ZNF518A: variants seen among roughly 807,000 people sequenced by gnomAD.
ZNF518A encodes zinc finger protein 518A, also known as zinc finger protein 518.
A neutral mutation model predicts 102.7 loss-of-function variants in ZNF518A; 47 were observed. The observed-to-expected ratio is 0.46, with a 90% CI of 0.36 to 0.58. The LOEUF (loss-of-function observed/expected upper bound fraction) is 0.58, where lower values mean the gene tolerates loss of function less well. Ranked by LOEUF, ZNF518A falls within the 20% of genes least tolerant of loss-of-function variation. The pLI is 0.00. For missense variants in ZNF518A, 1,793 were observed against 1,699.8 expected (o/e 1.05, Z -0.96); for synonymous variants, 652 against 594.6 (o/e 1.10, Z -1.40).
chr10:96,157,141 G>C lies in ZNF518A; in HGVS notation c.819G>C (p.Arg273Ser). The change falls in exon 6 of 6, where the codon AGG (arginine) becomes AGC (serine). Residue 273 changes from arginine to serine, a missense_variant. Coordinates refer to ENST00000316045, the MANE Select transcript of ZNF518A (RefSeq NM_001330736.2). ...TCQYCSYGAT[R>S]REHLVRHVIT... The stretch of plus-strand genomic sequence containing the variant: ...AATATTGTAGCTATGGTGCCACCAG[G>C]AGAGAACACCTTGTAAGACATGTTA... The C allele has an allele frequency of 6.2e-7, 1 of 1,613,686 alleles. No individual in the cohort carries two copies. The highest frequency in any genetic ancestry group is 1.1e-5 in the South Asian group (1 of 91,072).
Position 96,184,439 on chromosome 10 carries a change from T to C in ZNF518A, n.36-19135T>C, listed in dbSNP as rs587769723. 5.3e-3 allele frequency among the ~76,000 whole-genome samples: 806 copies of C among 152,274 alleles called. 6 individuals carry two copies. Among genetic ancestry groups the C allele is most frequent in the African/African-American group, 0.019 (770 of 41,570 alleles). ...TAGCATGTTTTTGCAGTGGCTGGTA[T>C]TGGTTGTTCCTTTCCATGTTTAGTG... On this transcript the variant is annotated intron_variant and non_coding_transcript_variant, in intron 1 of 2. Coordinates refer to the ZNF518A transcript ENST00000442635.
chr10:96,157,628 G>A lies in ZNF518A; in HGVS notation c.1306G>A (p.Val436Ile), dbSNP rs1554883680. ...AATGATGAAAAATAATAAACTAGCA[G>A]TTTCCCCTAACTATAATGCTACGTT... is the stretch of plus-strand genomic sequence containing the variant. ...NVMMKNNKLA[V>I]SPNYNATFMG... Residue 436 changes from valine (V) to isoleucine (I), a missense_variant, in exon 6 of 6, where the codon GTT (valine) becomes ATT (isoleucine). Val to Ile is a conservative substitution (Grantham distance 29, BLOSUM62 3). This residue lies in a region of ZNF518A where 1,741 missense variants were observed against 1,622.6 expected (regional missense o/e 1.07). Coordinates refer to ENST00000316045, the MANE Select transcript of ZNF518A (RefSeq NM_001330736.2). 6.2e-7 allele frequency: 1 copy of A among 1,613,830 alleles called. No individual in the cohort carries two copies. Among genetic ancestry groups the A allele is most frequent in the Non-Finnish European group, 8.5e-7 (1 of 1,179,792 alleles).
chr10:96,136,156 A>G (rs2081585365), intron 3 of ZNF518A, among the ~76,000 whole-genome samples: 1 of 151,968 alleles, frequency 6.6e-6, no homozygotes, highest in African/African-American at 2.4e-5. Flanking sequence ...TTCTACTAAG[A>G]TGGAGATTTC....
intron 3 of ZNF518A, among the ~76,000 whole-genome samples, chr10:96,144,814 CAA>C (rs1376114493): frequency 7.1e-6 from 1 of 140,436 alleles, no homozygotes. Flanking sequence ...TTACAGATAG[CAA>C]AAAAAAAAAA....
downstream of ZNF518A, among the ~76,000 whole-genome samples, chr10:96,167,770 AC>A (rs2083150893): frequency 1.3e-5 from 2 of 152,204 alleles, no homozygotes; most frequent in African/African-American, 2.4e-5. Flanking sequence ...TGGATCATAG[AC>A]CTAAATACAA....
chr10:96,159,355 A>G lies in ZNF518A; in HGVS notation c.3033A>G (p.Thr1011=). The G allele has an allele frequency of 1.2e-6, 2 of 1,613,778 alleles. No homozygotes were observed. Among genetic ancestry groups the G allele is most frequent in the Non-Finnish European group, 1.7e-6 (2 of 1,179,762 alleles). The stretch of plus-strand genomic sequence containing the variant: ...CTGTGACTAAGGAGCCTTGCAAAAC[A>G]CCTATTTTGAAGGTAGAACCAAACA... ...RGTVTKEPCK[T]PILKVEPNNN... Residue 1011 remains threonine, a synonymous_variant, in exon 6 of 6, where the codon ACA becomes ACG. Coordinates refer to ENST00000316045, the MANE Select transcript of ZNF518A (RefSeq NM_001330736.2).
intron 1 of ZNF518A, among the ~76,000 whole-genome samples, chr10:96,199,244 GGGA>G (rs782475404): frequency 7.2e-5 from 11 of 152,186 alleles, no homozygotes; most frequent in Non-Finnish European, 1.5e-4. Context: ...AAAAGAAAAT[GGGA>G]GGAGAAGAGA....
chr10:96,166,191 T>C (rs1454483076), downstream of ZNF518A, among the ~76,000 whole-genome samples: 1 of 152,186 alleles, frequency 6.6e-6, no homozygotes, highest in African/African-American at 2.4e-5. Flanking sequence ...CCTAGCTGTT[T>C]GGATTGTGCG....
intron 3 of ZNF518A, among the ~76,000 whole-genome samples, chr10:96,145,658 T>A (rs782456032): frequency 1.1e-4 from 17 of 152,248 alleles, no homozygotes; most frequent in Non-Finnish European, 2.4e-4. Flanking sequence ...AATTGAATGA[T>A]ACCTGTATTG....
chr10:96,177,854 C>A (rs1377555766), intron 1 of ZNF518A, among the ~76,000 whole-genome samples: 1 of 151,774 alleles, frequency 6.6e-6, no homozygotes, highest in African/African-American at 2.4e-5. Flanking sequence ...AAATGTAGAC[C>A]AGAAAAAAAT....
At chr10:96,172,335 G>C (rs1293618401) in intron 1 of ZNF518A, among the ~76,000 whole-genome samples, 2 of 152,026 alleles carry the variant, frequency 1.3e-5, no homozygotes, top group Non-Finnish European at 2.9e-5. Context: ...TGGGAATAAA[G>C]CTATTTTGCA....
At chr10:96,178,839 T>C (rs765852894) in intron 1 of ZNF518A, among the ~76,000 whole-genome samples, 7 of 152,056 alleles carry the variant, frequency 4.6e-5, no homozygotes, top group Non-Finnish European at 1.0e-4. Flanking sequence ...ATGGACAAAT[T>C]CCTTGAGAGA....
intron 3 of ZNF518A, among the ~76,000 whole-genome samples, chr10:96,137,144 A>C (rs201176354): frequency 8.6e-5 from 13 of 152,032 alleles, no homozygotes; most frequent in African/African-American, 3.1e-4. Context: ...CCCTCTAGTT[A>C]CTATAGATGG....
rs2083005199 is a variant in ZNF518A at position 96,161,663 on chromosome 10, C to T, written c.*889C>T. ...TCCCATCCCTTTAAAAAGAGTGGAA[C>T]ATAGGAGCACTTCCAAGGGAGTGGC... On this transcript the variant is annotated 3_prime_UTR_variant, in exon 6 of 6. Coordinates refer to ENST00000316045, the MANE Select transcript of ZNF518A (RefSeq NM_001330736.2). The T allele has an allele frequency of 6.0e-6, 1 of 166,864 alleles. No individual in the cohort carries two copies. The highest frequency in any genetic ancestry group is 2.4e-5 in the African/African-American group (1 of 41,422). 10.3% of individuals were successfully genotyped at this position (166,864 alleles called of 1,614,324 possible). A position where few individuals can be genotyped will look rare whatever the true frequency, so the allele number is the denominator to read the frequency against.
rs1321024688 is a variant in ZNF518A, at chr10:96,159,597, C to G, written c.3275C>G (p.Pro1092Arg). 1 of 1,613,824 alleles carries G rather than the reference C, an allele frequency of 6.2e-7. No homozygotes were observed. The change falls in exon 6 of 6, where the codon CCA (proline) becomes CGA (arginine). Residue 1092 changes from proline to arginine, a missense_variant. Pro to Arg is a moderately radical substitution (Grantham distance 103, BLOSUM62 -2). Transcript: ENST00000316045. Reference sequence around the variant, plus strand: ...CAGCAGAATGAGATTTTTCCAAAACCACCTCTTTATACCTTCTTGCCTGAT... The same window carrying G: ...CAGCAGAATGAGATTTTTCCAAAACGACCTCTTTATACCTTCTTGCCTGAT... The part of the protein sequence containing the change: ...VKQQNEIFPK[P>R]PLYTFLPDGK...
chr10:96,148,747 G>T (rs587641206), intron 3 of ZNF518A, among the ~76,000 whole-genome samples: 1 of 152,070 alleles, frequency 6.6e-6, no homozygotes, highest in Non-Finnish European at 1.5e-5. Flanking sequence ...ACGGAGTCTC[G>T]CCCTGTCGCC....
intron 1 of ZNF518A, among the ~76,000 whole-genome samples, chr10:96,174,799 G>A (rs1591274614): frequency 6.6e-6 from 1 of 152,166 alleles, no homozygotes; most frequent in South Asian, 2.1e-4. Flanking sequence ...CATGGAATAG[G>A]TGTTATATAT....
At chr10:96,199,473 T>C (rs1554895511) in intron 1 of ZNF518A, 1 of 460,248 alleles carries the variant, frequency 2.2e-6, no homozygotes, top group Non-Finnish European at 4.4e-6. Flanking sequence ...AAGCCTTCCA[T>C]AGACCTCCCC....
At chr10:96,190,084 G>A (rs1261834964) in intron 1 of ZNF518A, 6 of 879,078 alleles carry the variant, frequency 6.8e-6, no homozygotes, top group South Asian at 1.3e-5. Context: ...TAAACTGACC[G>A]TTCTTAAGGA....
Sources: gnomAD v4.1 joint callset for allele counts (sites outside exome capture counted in the v4.1 genomes callset) on GRCh38, gnomAD v4.1.1 for gene constraint, gnomAD v4.1.1 regional missense constraint, MANE v1.5 for transcripts, NCBI Gene and HGNC (gene_info 2026-07-23, HGNC 2026-07-21) for gene names.